Variants in KCNMA1 observed in about 807,000 individuals in gnomAD.
KCNMA1 encodes Calcium-activated potassium channel subunit alpha-1.
A neutral mutation model predicts 140.0 loss-of-function variants in KCNMA1; 29 were observed. The observed-to-expected ratio is 0.21, with a 90% CI of 0.15 to 0.28. The LOEUF is 0.28. Among genes scored for constraint, KCNMA1 ranks in the 10% least tolerant of loss-of-function variants. The probability of loss-of-function intolerance (pLI) is 1.00; values close to 1 mark genes in which losing one functional copy is unlikely to be tolerated. For synonymous variants in KCNMA1, 612 were observed against 611.9 expected, an observed-to-expected ratio of 1.00 and a Z score of 0.00; for missense variants, 880 against 1,602.2, an observed-to-expected ratio of 0.55 and a Z score of 7.70.
chr10:77,627,749 A>G (rs2092705062), intron 1 of KCNMA1, among the ~76,000 whole-genome samples: 1 of 152,182 alleles, frequency 6.6e-6, no homozygotes. Context: ...GGACTAGTGC[A>G]AACAGAAAGA....
chr10:77,411,443 T>C (rs973597963), intron 1 of KCNMA1, among the ~76,000 whole-genome samples: 11 of 152,330 alleles, frequency 7.2e-5, no homozygotes, highest in African/African-American at 2.2e-4. Flanking sequence ...AGCATGATCA[T>C]AGTAACTCTA....
chr10:77,251,111 G>T (rs2059582180), intron 3 of KCNMA1, 84 bp downstream of exon 3: 3 of 1,054,838 alleles, frequency 2.8e-6, no homozygotes, highest in African/African-American at 3.1e-5. Context: ...TGCAAAGGTT[G>T]GTGTCAAGGT....
At chr10:77,605,811 A>C (rs1396683870) in intron 1 of KCNMA1, among the ~76,000 whole-genome samples, 1 of 152,212 alleles carries the variant, frequency 6.6e-6, no homozygotes, top group Non-Finnish European at 1.5e-5. Context: ...GGTGCTTCCT[A>C]ACTGCCACAT....
intron 2 of KCNMA1, among the ~76,000 whole-genome samples, chr10:77,343,307 A>T (rs1330242810): frequency 2.0e-5 from 3 of 152,230 alleles, no homozygotes; most frequent in Non-Finnish European, 4.4e-5. Context: ...ACTGAAAAAC[A>T]ATCCATGTGA....
rs573256162 is a variant in KCNMA1 at position 77,123,962 on chromosome 10, C to T, written c.809-2914G>A. Among the ~76,000 whole-genome samples the T allele has an allele frequency of 4.2e-4, 64 of 152,220 alleles. 1 individual carries two copies. In the South Asian group the frequency reaches 0.013, roughly 30 times the overall value. ...TGCTGGACAAAGGGAGGATTCTTGT[C>T]CCAGATGGAACCAAGCAGGACAGCA... is the stretch of plus-strand genomic sequence containing the variant. On this transcript the variant is annotated intron_variant, in intron 5 of 27. Transcript: ENST00000286628.
chr10:76,990,324 C>T (rs766888914), intron 19 of KCNMA1, among the ~76,000 whole-genome samples: 2 of 152,162 alleles, frequency 1.3e-5, no homozygotes, highest in Admixed American at 6.5e-5. Context: ...ATTCACAGAT[C>T]TCACCCTTGT....
chr10:77,216,406 C>A (rs1025341577), intron 3 of KCNMA1, among the ~76,000 whole-genome samples: 1 of 151,740 alleles, frequency 6.6e-6, no homozygotes, highest in African/African-American at 2.4e-5. Flanking sequence ...GTGAGAGAAG[C>A]GGGAGGAAGA....
chr10:77,550,414 G>A (rs565427866), intron 1 of KCNMA1, among the ~76,000 whole-genome samples: 26 of 152,134 alleles, frequency 1.7e-4, no homozygotes, highest in African/African-American at 5.5e-4. Context: ...GAAGTCCCAG[G>A]GGCCCTGGCG....
intron 5 of KCNMA1, among the ~76,000 whole-genome samples, chr10:77,168,923 A>G (rs2098672823): frequency 6.6e-6 from 1 of 152,208 alleles, no homozygotes; most frequent in African/African-American, 2.4e-5. Context: ...TCTTCATGTC[A>G]TTGCCATAAA....
chr10:77,602,767 G>A (rs2083067322), intron 1 of KCNMA1, among the ~76,000 whole-genome samples: 1 of 152,134 alleles, frequency 6.6e-6, no homozygotes, highest in Non-Finnish European at 1.5e-5. Flanking sequence ...AGCCCCTCCT[G>A]CCAGCCAACC....
chr10:76,956,747 G>T (rs557826810), intron 20 of KCNMA1, among the ~76,000 whole-genome samples: 17 of 152,222 alleles, frequency 1.1e-4, no homozygotes, highest in Non-Finnish European at 2.4e-4. Flanking sequence ...TTACAGCAAA[G>T]TACAAGGTGA....
chr10:77,207,555 C>T (rs2044544819), intron 3 of KCNMA1, among the ~76,000 whole-genome samples: 1 of 152,116 alleles, frequency 6.6e-6, no homozygotes, highest in South Asian at 2.1e-4. Context: ...CTAGAGAGAG[C>T]AAACTAGAAC....
At chr10:76,993,848 G>T (rs979795157) in intron 19 of KCNMA1, among the ~76,000 whole-genome samples, 8 of 152,242 alleles carry the variant, frequency 5.3e-5, no homozygotes, top group African/African-American at 1.9e-4. Flanking sequence ...CTTCAGGGGG[G>T]TCAATTCCCT....
At chr10:77,080,429 T>A (rs976703905) in intron 12 of KCNMA1, among the ~76,000 whole-genome samples, 1 of 152,174 alleles carries the variant, frequency 6.6e-6, no homozygotes, top group Non-Finnish European at 1.5e-5. Flanking sequence ...AAAACCTTCA[T>A]GGGCTAAGCC....
intron 1 of KCNMA1, among the ~76,000 whole-genome samples, chr10:77,423,658 T>C (rs970365881): frequency 2.0e-5 from 3 of 152,070 alleles, no homozygotes; most frequent in Non-Finnish European, 4.4e-5. Flanking sequence ...CTTCTCTGCC[T>C]CTCCAATCCA....
intron 2 of KCNMA1, among the ~76,000 whole-genome samples, chr10:77,258,438 G>C (rs1197125802): frequency 1.3e-5 from 2 of 152,262 alleles, no homozygotes; most frequent in East Asian, 3.9e-4. Flanking sequence ...CTGGGTCTCA[G>C]CTCTGCCATC....
intron 1 of KCNMA1, among the ~76,000 whole-genome samples, chr10:77,565,896 C>G (rs1305334816): frequency 2.0e-5 from 3 of 152,120 alleles, no homozygotes; most frequent in Non-Finnish European, 4.4e-5. Context: ...TGCACCTCCC[C>G]ACAGCCCTAA....
chr10:77,183,546 G>A lies in KCNMA1; in HGVS notation c.697-14C>T. Reference sequence around the variant, plus strand: ...GGCTGCAATAAACTGGGGGAAAGAAGAAATAAGAAAGAGAAAAAACATGAG... The same window carrying A: ...GGCTGCAATAAACTGGGGGAAAGAAAAAATAAGAAAGAGAAAAAACATGAG... On this transcript the variant is annotated splice_polypyrimidine_tract_variant and intron_variant, in intron 4 of 27. Transcript: ENST00000286628. The A allele has an allele frequency of 6.5e-7, 1 of 1,549,418 alleles. No individual in the cohort carries two copies. Among genetic ancestry groups the A allele is most frequent in the Middle Eastern group, 1.7e-4 (1 of 5,940 alleles).
At chr10:77,632,784 T>C (rs2093350375) in intron 1 of KCNMA1, among the ~76,000 whole-genome samples, 1 of 152,234 alleles carries the variant, frequency 6.6e-6, no homozygotes, top group Non-Finnish European at 1.5e-5. Context: ...GCTATGATAG[T>C]TACCACTTAC....
Sources: allele counts gnomAD v4.1 joint callset (sites outside exome capture counted in the v4.1 genomes callset), GRCh38; gene constraint gnomAD v4.1.1; transcripts MANE v1.5; gene names NCBI Gene and HGNC (gene_info 2026-07-23, HGNC 2026-07-21).